Variants in ZNF292 observed in about 807,000 individuals in gnomAD.
The protein encoded by ZNF292 is zinc finger protein 292, also known as 16 zinc-finger domain protein.
ZNF292 carries 26 observed loss-of-function variants against 217.9 expected under a neutral mutation model. That is an observed-to-expected ratio of 0.12 (90% CI 0.09 to 0.17). The LOEUF (loss-of-function observed/expected upper bound fraction) is 0.17. Among genes scored for constraint, ZNF292 ranks in the 10% least tolerant of loss-of-function variants. ZNF292 has a pLI of 1.00. For missense variants in ZNF292, 2,904 were observed against 3,175.2 expected (o/e 0.91, Z 2.05); for synonymous variants, 1,257 against 1,124.1 (o/e 1.12, Z -2.37).
intron 1 of ZNF292, among the ~76,000 whole-genome samples, chr6:87,158,486 C>CTCTA (rs1770618004): frequency 6.6e-6 from 1 of 152,180 alleles, no homozygotes; most frequent in Admixed American, 6.5e-5. Context: ...GTGGCCCCTT[C>CTCTA]TCTACAAAAA....
rs1438143122 is a variant in ZNF292, at chr6:87,259,433, T to A, written c.5804T>A (p.Leu1935His). 1.3e-6 allele frequency: 2 copies of A among 1,595,890 alleles called. No individual in the cohort carries two copies. Among genetic ancestry groups the A allele is most frequent in the South Asian group, 2.2e-5 (2 of 88,908 alleles). The change falls in exon 8 of 8, where the codon CTT (leucine) becomes CAT (histidine). Residue 1935 changes from leucine to histidine, a missense_variant. Physicochemically the swap from Leu to His is moderately conservative, Grantham distance 99. This residue lies in a region of ZNF292 where 50 missense variants were observed against 90.5 expected (regional missense o/e 0.55). Coordinates refer to ENST00000369577, the MANE Select transcript of ZNF292 (RefSeq NM_015021.3). ...CATCAATACACTCCAGAAATGATTC[T>A]TGAAATTAAGAAGAATCAATTGAAA... The part of the protein sequence containing the change: ...KIHQYTPEMI[L>H]EIKKNQLKFA...
chr6:87,183,262 G>A (rs1771524736), intron 1 of ZNF292, among the ~76,000 whole-genome samples: 2 of 152,050 alleles, frequency 1.3e-5, no homozygotes, highest in African/African-American at 4.8e-5. Context: ...AATCTTAAAG[G>A]CAAATAGAAT....
chr6:87,249,712 CT>C (rs201183917), intron 7 of ZNF292, among the ~76,000 whole-genome samples: 1 of 151,154 alleles, frequency 6.6e-6, no homozygotes, highest in African/African-American at 2.4e-5. Flanking sequence ...AACTGGTAAC[CT>C]TTTTTTTTCT....
chr6:87,156,655 G>A (rs1323298390), intron 1 of ZNF292, among the ~76,000 whole-genome samples: 1 of 152,204 alleles, frequency 6.6e-6, no homozygotes, highest in Non-Finnish European at 1.5e-5. Flanking sequence ...AGGTTCATGT[G>A]GATCTGTGCT....
At chr6:87,200,330 TGGA>T (rs1772068493) in intron 1 of ZNF292, among the ~76,000 whole-genome samples, 1 of 152,238 alleles carries the variant, frequency 6.6e-6, no homozygotes, top group African/African-American at 2.4e-5. Flanking sequence ...AGAAATACTG[TGGA>T]GACTAAGCTG....
At chr6:87,167,839 G>T (rs763188253) in intron 1 of ZNF292, among the ~76,000 whole-genome samples, 7 of 152,166 alleles carry the variant, frequency 4.6e-5, no homozygotes, top group Non-Finnish European at 7.3e-5. Context: ...TTCAGAAAAT[G>T]CCACCTAACT....
intron 1 of ZNF292, among the ~76,000 whole-genome samples, chr6:87,186,284 A>G (rs1401544823): frequency 3.3e-5 from 5 of 152,260 alleles, no homozygotes; most frequent in African/African-American, 1.2e-4. Flanking sequence ...AATTCACAGT[A>G]AAACTGTAAT....
At chr6:87,234,008 T>C (rs929328784) in intron 5 of ZNF292, among the ~76,000 whole-genome samples, 2 of 152,352 alleles carry the variant, frequency 1.3e-5, no homozygotes, top group Admixed American at 1.3e-4. Flanking sequence ...TTTATTTGCC[T>C]ATTTAATGTA....
chr6:87,171,283 A>T (rs141189355), intron 1 of ZNF292, among the ~76,000 whole-genome samples: 147 of 152,202 alleles, frequency 9.7e-4, no homozygotes, highest in Non-Finnish European at 5.3e-4. Context: ...GAGGCTGGGG[A>T]TGAGAGAGAA....
Position 87,255,413 on chromosome 6 carries a change from C to G in ZNF292, c.1784C>G (p.Ser595Cys). The change falls in exon 8 of 8, where the codon TCT becomes TGT. Residue 595 changes from serine (S) to cysteine (C), a missense_variant. Ser to Cys is a moderately radical substitution (Grantham distance 112). Transcript: ENST00000369577. Reference protein sequence around the residue: ...VPHVTLHVKQSSKERLAAMKP... With the variant: ...VPHVTLHVKQCSKERLAAMKP... ...CATGTCACACTGCATGTTAAACAATCTAGTAAAGAGAGACTAGCAGCTATG... is the reference window on the plus strand; with the variant it reads ...CATGTCACACTGCATGTTAAACAATGTAGTAAAGAGAGACTAGCAGCTATG... 3 of 1,613,686 alleles carry G rather than the reference C, an allele frequency of 1.9e-6. No individual in the cohort carries two copies. Among genetic ancestry groups the G allele is most frequent in the South Asian group, 1.1e-5 (1 of 91,050 alleles).
Position 87,255,459 on chromosome 6 carries a change from A to C in ZNF292, c.1830A>C (p.Gly610=), listed in dbSNP as rs752315513. Reference sequence around the variant, plus strand: ...CTATGAAACCATTAAGAAGATTGGGAAGGCCTCCAAAGATCACAACTACCA... The same window carrying C: ...CTATGAAACCATTAAGAAGATTGGGCAGGCCTCCAAAGATCACAACTACCA... ...LAAMKPLRRL[G]RPPKITTTNE... is the part of the protein sequence containing the mutation. Residue 610 remains glycine, a synonymous_variant, in exon 8 of 8, where the codon GGA becomes GGC. Coordinates refer to ENST00000369577, the MANE Select transcript of ZNF292 (RefSeq NM_015021.3). 1.2e-5 allele frequency: 20 copies of C among 1,613,578 alleles called. No individual in the cohort carries two copies. The Admixed American group carries it at 2.2e-4, about 17-fold the overall frequency.
intron 1 of ZNF292, among the ~76,000 whole-genome samples, chr6:87,177,647 A>G (rs1184973188): frequency 6.7e-6 from 1 of 149,390 alleles, no homozygotes; most frequent in Non-Finnish European, 1.5e-5. Context: ...TTAAAAGACT[A>G]TGTGATGTTG....
chr6:87,193,904 G>C lies in ZNF292; in HGVS notation c.169-21999G>C, dbSNP rs991999185. Among the ~76,000 whole-genome samples, 204 of 152,260 alleles carry C rather than the reference G, an allele frequency of 1.3e-3. 1 individual carries two copies. The highest frequency in any genetic ancestry group is 4.6e-3 in the African/African-American group (190 of 41,548). On this transcript the variant is annotated intron_variant, in intron 1 of 7. Coordinates refer to ENST00000369577, the MANE Select transcript of ZNF292 (RefSeq NM_015021.3). ...CTGATCCCAAGCATTTTGGATAAAG[G>C]ATACTCAGCCTGTACTAATTTATCT...
At chr6:87,167,791 G>A (rs756717598) in intron 1 of ZNF292, among the ~76,000 whole-genome samples, 8 of 152,210 alleles carry the variant, frequency 5.3e-5, no homozygotes, top group Non-Finnish European at 7.3e-5. Context: ...GGTTGAGAAA[G>A]TAATTTGAAC....
intron 4 of ZNF292, among the ~76,000 whole-genome samples, chr6:87,230,487 A>G (rs994607350): frequency 6.6e-6 from 1 of 152,178 alleles, no homozygotes; most frequent in African/African-American, 2.4e-5. Flanking sequence ...TAATCCCAGC[A>G]CTTTGGGAGG....
intron 1 of ZNF292, among the ~76,000 whole-genome samples, chr6:87,164,541 A>G (rs969965851): frequency 4.6e-5 from 7 of 152,038 alleles, no homozygotes; most frequent in Non-Finnish European, 8.8e-5. Flanking sequence ...TTTATTCCCT[A>G]CTGTAGTGTG....
At chr6:87,216,438 TAA>T in intron 3 of ZNF292, 61 bp downstream of exon 3, 1 of 1,254,922 alleles carries the variant, frequency 8.0e-7, no homozygotes, top group African/African-American at 1.5e-5. Flanking sequence ...TCCTTACTCT[TAA>T]AAAAATTATT....
intron 1 of ZNF292, among the ~76,000 whole-genome samples, chr6:87,197,588 T>G (rs924780697): frequency 6.7e-6 from 1 of 148,378 alleles, no homozygotes; most frequent in African/African-American, 2.6e-5. Flanking sequence ...TAAAAAAAAA[T>G]TAGCTGAGCC....
rs1369210138 is a variant in ZNF292, at chr6:87,155,771, C to G, written c.168+12C>G. The G allele has an allele frequency of 1.3e-6, 2 of 1,581,128 alleles. No individual in the cohort carries two copies. The highest frequency in any genetic ancestry group is 3.5e-5 in the Admixed American group (2 of 56,962). The stretch of plus-strand genomic sequence containing the variant: ...AGCAGCTGTGCCAGGTGAGGGCGCC[C>G]GGTGGTCCCCTCCCCCTTTCCCCAG... On this transcript the variant is annotated intron_variant, in intron 1 of 7. Coordinates refer to ENST00000369577, the MANE Select transcript of ZNF292 (RefSeq NM_015021.3).
Sources: gnomAD v4.1 joint callset for allele counts (sites outside exome capture counted in the v4.1 genomes callset) on GRCh38, gnomAD v4.1.1 for gene constraint, gnomAD v4.1.1 regional missense constraint, MANE v1.5 for transcripts, NCBI Gene and HGNC (gene_info 2026-07-23, HGNC 2026-07-21) for gene names.